DNAH17: variants seen among roughly 807,000 people sequenced by gnomAD.
DNAH17 encodes the protein axonemal beta dynein heavy chain 17.
Under a neutral mutation model 485.6 loss-of-function variants are expected in DNAH17, and 376 were observed. The observed-to-expected ratio is 0.77, with a 90% CI of 0.71 to 0.84. The LOEUF (loss-of-function observed/expected upper bound fraction) is 0.84, where lower values mean the gene tolerates loss of function less well. Among genes scored for constraint, DNAH17 ranks in the 40% least tolerant of loss-of-function variants. DNAH17 has a pLI of 0.00. For synonymous variants in DNAH17, 3,031 were observed against 2,405.9 expected, an observed-to-expected ratio of 1.26 and a Z score of -7.60; for missense variants, 6,370 against 5,839.3, an observed-to-expected ratio of 1.09 and a Z score of -2.96.
intron 54 of DNAH17, among the ~76,000 whole-genome samples, chr17:78,474,808 G>A (rs1438752754): frequency 7.5e-6 from 1 of 132,956 alleles, no homozygotes; most frequent in Non-Finnish European, 1.6e-5. Context: ...TCAGTCACCC[G>A]GGCACACACA....
intron 27 of DNAH17, among the ~76,000 whole-genome samples, chr17:78,508,156 C>G (rs1464819225): frequency 1.3e-5 from 2 of 152,192 alleles, no homozygotes; most frequent in Non-Finnish European, 2.9e-5. Flanking sequence ...CAAAATATGC[C>G]ATCCTGCAAT....
chr17:78,463,653 T>G (rs1449523539), intron 56 of DNAH17, among the ~76,000 whole-genome samples: 2 of 152,242 alleles, frequency 1.3e-5, no homozygotes, highest in Non-Finnish European at 2.9e-5. Context: ...AGGCTGAGAA[T>G]GTGTTTTCAT....
Position 78,468,870 on chromosome 17 carries a change from G to A in DNAH17, c.8525C>T (p.Ala2842Val), listed in dbSNP as rs1169188905. ...CTTCACGGCAGCCTTTATGTACTGA[G>A]CAGCGAGGTCAATCTGGACGGAGTG... ...GIPDLKIDLA[A>V]QYIKAAVKNV... Residue 2842 changes from alanine (A) to valine (V), a missense_variant, in exon 55 of 81, where the codon GCT (alanine) becomes GTT (valine). Ala to Val is a moderately conservative substitution (Grantham distance 64). Coordinates refer to ENST00000389840, the MANE Select transcript of DNAH17 (RefSeq NM_173628.4). 6.2e-7 allele frequency: 1 copy of A among 1,613,240 alleles called. No individual in the cohort carries two copies. Among genetic ancestry groups the A allele is most frequent in the Non-Finnish European group, 8.5e-7 (1 of 1,179,804 alleles).
In DNAH17 at chr17:78,537,477, C is replaced by G. The variant is rs772125886; in HGVS notation, c.2681G>C (p.Ser894Thr). 1 of 1,613,056 alleles carries G rather than the reference C, an allele frequency of 6.2e-7. No individual in the cohort carries two copies. ...FLMDNMVIDE[S>T]IAPLFEIRME... is the part of the protein sequence containing the mutation. ...GCGGATCTCAAACAGGGGAGCGATA[C>G]TCTCCTGAAAGAGGGGTGGGGTTGG... Residue 894 changes from serine to threonine, a missense_variant, in exon 19 of 81, where the codon AGT (serine) becomes ACT (threonine). Coordinates refer to ENST00000389840, the MANE Select transcript of DNAH17 (RefSeq NM_173628.4).
In DNAH17 at chr17:78,446,597, T is replaced by C. The variant is rs184460191; in HGVS notation, c.11212-917A>G. 2.5e-3 allele frequency among the ~76,000 whole-genome samples: 375 copies of C among 152,072 alleles called. 4 individuals carry two copies. Among genetic ancestry groups the C allele is most frequent in the Admixed American group, 0.022 (336 of 15,272 alleles). The stretch of plus-strand genomic sequence containing the variant: ...ATGGACAGCGGGTCGTTTTGGCTGT[T>C]GTGAATTGATTAGCTTTGCTGATTT... On this transcript the variant is annotated intron_variant, in intron 69 of 80. Transcript: ENST00000389840.
At chr17:78,549,237 T>C (rs1236050490) in intron 16 of DNAH17, among the ~76,000 whole-genome samples, 2 of 152,204 alleles carry the variant, frequency 1.3e-5, no homozygotes, top group African/African-American at 4.8e-5. Flanking sequence ...GGCCCACCCC[T>C]GATGAGGTTA....
At chr17:78,450,165 C>T (rs570276526) in intron 68 of DNAH17, 89 bp downstream of exon 68, 160 of 1,511,454 alleles carry the variant, frequency 1.1e-4, no homozygotes, top group Non-Finnish European at 1.2e-4. Context: ...TGGCACTGCC[C>T]GATGGCTGTG....
intron 44 of DNAH17, 49 bp downstream of exon 44, chr17:78,490,650 C>T (rs376334772): frequency 1.3e-5 from 20 of 1,559,032 alleles, no homozygotes; most frequent in African/African-American, 2.7e-5. Context: ...CCAACAAGTT[C>T]GTTTTTCCCT....
At chr17:78,475,880 G>T in intron 52 of DNAH17, 47 bp from the exon 53 acceptor site, 3 of 1,592,392 alleles carry the variant, frequency 1.9e-6, no homozygotes, top group South Asian at 1.1e-5. Context: ...TTGCCACCAT[G>T]ACCACACAGA....
chr17:78,431,718 G>A (rs1242528595), intron 75 of DNAH17, among the ~76,000 whole-genome samples: 1 of 152,082 alleles, frequency 6.6e-6, no homozygotes, highest in African/African-American at 2.4e-5. Context: ...GGGGGAGGGA[G>A]GCCTGAGGAC....
At chr17:78,540,085 C>T (rs1237708972) in intron 17 of DNAH17, among the ~76,000 whole-genome samples, 1 of 152,114 alleles carries the variant, frequency 6.6e-6, no homozygotes, top group Non-Finnish European at 1.5e-5. Flanking sequence ...GTCTGGCTTC[C>T]AATCTTTTTG....
At chr17:78,507,083 C>CA (rs1190229109) in intron 29 of DNAH17, among the ~76,000 whole-genome samples, 195 bp downstream of exon 29, 1 of 152,190 alleles carries the variant, frequency 6.6e-6, no homozygotes, top group African/African-American at 2.4e-5. Context: ...TTGCTTCCTT[C>CA]AAGGCCAAGG....
intron 13 of DNAH17, among the ~76,000 whole-genome samples, 167 bp downstream of exon 13, chr17:78,560,573 G>A (rs994319119): frequency 6.6e-6 from 1 of 152,152 alleles, no homozygotes; most frequent in Admixed American, 6.6e-5. Flanking sequence ...AGTTGCTTCT[G>A]CTTTCCCTCA....
At chr17:78,477,533 C>T (rs1395945134) in intron 51 of DNAH17, among the ~76,000 whole-genome samples, 1 of 152,196 alleles carries the variant, frequency 6.6e-6, no homozygotes, top group Non-Finnish European at 1.5e-5. Flanking sequence ...CACACTCCAC[C>T]ATGCCCAGCT....
Position 78,459,836 on chromosome 17 carries a change from G to A in DNAH17, c.9601C>T (p.Leu3201=), listed in dbSNP as rs762379277. The A allele has an allele frequency of 6.8e-6, 11 of 1,613,896 alleles. No individual in the cohort carries two copies. In the East Asian group the frequency reaches 1.8e-4, roughly 26 times the overall value. ...MGKVDTFLDS[L]KKFDKEHIPE... is the part of the protein sequence containing the mutation. ...ATGTGCTCCTTGTCGAACTTCTTCA[G>A]GGAGTCTAGGAAGGTGTCCACCTTG... The change falls in exon 60 of 81, where the codon CTG becomes TTG. Residue 3201 remains leucine (L), a synonymous_variant. Transcript: ENST00000389840.
At chr17:78,433,468 G>GCT (rs1333517115) in intron 75 of DNAH17, among the ~76,000 whole-genome samples, 166 of 152,360 alleles carry the variant, frequency 1.1e-3, no homozygotes, top group Non-Finnish European at 2.0e-3. Flanking sequence ...CGGAGGATGT[G>GCT]TGGCTTTCTA....
In DNAH17 at chr17:78,558,174, GA is replaced by G; in HGVS notation, c.2111del (p.Phe704SerfsTer24). 1 of 1,613,822 alleles carries G rather than the reference GA, an allele frequency of 6.2e-7. No individual in the cohort carries two copies. The highest frequency in any genetic ancestry group is 8.5e-7 in the Non-Finnish European group (1 of 1,179,822). On this transcript the variant is annotated frameshift_variant, in exon 14 of 81. Transcript: ENST00000389840. LOFTEE classifies it high-confidence loss of function. The stretch of plus-strand genomic sequence containing the variant: ...ACTTCCGGAAAGTTTCGTTCTCTGA[GA>G]ACAGACTCTCCGCACTGTCTGGAAT... Reference protein sequence around the residue: ...KEIPDSAESLFSENETFRKFV... With the variant: ...KEIPDSAESLXSENETFRKFV...
chr17:78,576,401 T>C (rs951949690), intron 1 of DNAH17, among the ~76,000 whole-genome samples: 1 of 151,994 alleles, frequency 6.6e-6, no homozygotes, highest in Non-Finnish European at 1.5e-5. Flanking sequence ...GGCCAGCAAA[T>C]GGCAGAAACA....
At chr17:78,491,920 A>T (rs903710870) in intron 42 of DNAH17, among the ~76,000 whole-genome samples, 2 of 152,212 alleles carry the variant, frequency 1.3e-5, no homozygotes, top group Non-Finnish European at 2.9e-5. Context: ...TCACACGCTC[A>T]GCAGAAGTCT....
Sources: gnomAD v4.1 joint callset for allele counts (sites outside exome capture counted in the v4.1 genomes callset) on GRCh38, gnomAD v4.1.1 for gene constraint, MANE v1.5 for transcripts, NCBI Gene and HGNC (gene_info 2026-07-23, HGNC 2026-07-21) for gene names.